The following CDK17 variants were observed in gnomAD, a reference collection of about 807,000 sequenced individuals.
The protein encoded by CDK17 is cyclin-dependent kinase 17.
A neutral mutation model predicts 77.6 loss-of-function variants in CDK17; 24 were observed. The ratio of observed to expected loss-of-function variants is 0.31; its 90% CI spans 0.22 to 0.44. The LOEUF is 0.44. Among genes scored for constraint, CDK17 ranks in the 20% least tolerant of loss-of-function variants. CDK17 has a pLI of 1.00. For missense variants in CDK17, 429 were observed against 622.5 expected, an observed-to-expected ratio of 0.69 and a Z score of 3.31; for synonymous variants, 203 against 210.4, an observed-to-expected ratio of 0.96 and a Z score of 0.30.
Position 96,375,510 on chromosome 12 carries a change from CTT to C in CDK17, c.-30+24474_-30+24475del, listed in dbSNP as rs34451499. Among the ~76,000 whole-genome samples, 90 of 101,572 alleles carry C rather than the reference CTT, an allele frequency of 8.9e-4. 1 individual carries two copies. Among genetic ancestry groups the C allele is most frequent in the African/African-American group, 2.5e-3 (66 of 26,274 alleles). The allele number at this position is 101,572 out of a possible 152,430, so 66.6% of individuals were successfully genotyped here. A position where few individuals can be genotyped will look rare whatever the true frequency, so the allele number is the denominator to read the frequency against. ...CCAAATTTCCATCTCTGATCCTAAC[CTT>C]TTTTTTTTTTTTTTTTTTTGAGACA... On this transcript the variant is annotated intron_variant, in intron 1 of 16. Transcript: ENST00000261211.
chr12:96,398,485 G>A (rs1954207503), intron 1 of CDK17, among the ~76,000 whole-genome samples: 1 of 152,146 alleles, frequency 6.6e-6, no homozygotes, highest in African/African-American at 2.4e-5. Context: ...TTCAAGGCAA[G>A]CTTTGTCTAC....
intron 3 of CDK17, among the ~76,000 whole-genome samples, chr12:96,318,741 T>C (rs2137117803): frequency 6.8e-6 from 1 of 147,550 alleles, no homozygotes; most frequent in South Asian, 2.3e-4. Flanking sequence ...AAGATGTTCT[T>C]TGAGACCAAC....
At chr12:96,316,718 G>T (rs1371322348) in intron 3 of CDK17, among the ~76,000 whole-genome samples, 1 of 125,402 alleles carries the variant, frequency 8.0e-6, no homozygotes, top group African/African-American at 3.0e-5. Context: ...ACACGGCAGG[G>T]TATTCCAACA....
At chr12:96,295,172 A>G (rs1430535501) in intron 9 of CDK17, 50 bp from the exon 10 acceptor site, 2 of 1,431,858 alleles carry the variant, frequency 1.4e-6, no homozygotes, top group Admixed American at 2.0e-5. Context: ...GACATGCTTT[A>G]GTATAAGCAT....
At chr12:96,286,614 G>T in intron 12 of CDK17, 50 bp downstream of exon 12, 1 of 1,243,144 alleles carries the variant, frequency 8.0e-7, no homozygotes. Context: ...GTCTTATCCA[G>T]CTAGTCAATT....
chr12:96,312,179 A>T (rs569031027), intron 4 of CDK17, among the ~76,000 whole-genome samples: 1 of 152,242 alleles, frequency 6.6e-6, no homozygotes, highest in African/African-American at 2.4e-5. Context: ...CTTGGGGCTA[A>T]GGCAGGAGGA....
At chr12:96,371,328 A>G (rs1282240089) in intron 1 of CDK17, among the ~76,000 whole-genome samples, 2 of 152,176 alleles carry the variant, frequency 1.3e-5, no homozygotes, top group Non-Finnish European at 2.9e-5. Context: ...ACATATCATG[A>G]CCCACTGACG....
intron 3 of CDK17, among the ~76,000 whole-genome samples, chr12:96,315,529 C>T (rs1204870467): frequency 2.0e-5 from 3 of 152,180 alleles, no homozygotes; most frequent in African/African-American, 4.8e-5. Flanking sequence ...GTATATAACA[C>T]ATCTAAGGTC....
At chr12:96,357,806 A>C (rs1168477427) in intron 1 of CDK17, among the ~76,000 whole-genome samples, 1 of 152,176 alleles carries the variant, frequency 6.6e-6, no homozygotes, top group Non-Finnish European at 1.5e-5. Flanking sequence ...AGGTATCCTG[A>C]GATTTTAATC....
In CDK17 at chr12:96,383,276, G is replaced by A. The variant is rs151150939; in HGVS notation, c.-30+16710C>T. 4.5e-3 allele frequency among the ~76,000 whole-genome samples: 677 copies of A among 151,750 alleles called. 13 individuals carry two copies. Among genetic ancestry groups the A allele is most frequent in the African/African-American group, 0.016 (643 of 41,360 alleles). On this transcript the variant is annotated intron_variant, in intron 1 of 16. Transcript: ENST00000261211. ...GAAATCAGTGATGACACAAACAAAT[G>A]TAAAAACATTCCATGGTCATTAATT...
chr12:96,397,887 A>G (rs1954196979), intron 1 of CDK17, among the ~76,000 whole-genome samples: 1 of 152,224 alleles, frequency 6.6e-6, no homozygotes, highest in Non-Finnish European at 1.5e-5. Context: ...TAAGGAGTCC[A>G]TAATTCAGAC....
At chr12:96,367,303 C>T (rs1953602453) in intron 1 of CDK17, among the ~76,000 whole-genome samples, 1 of 125,720 alleles carries the variant, frequency 8.0e-6, no homozygotes, top group Non-Finnish European at 1.6e-5. Context: ...CGAGATTGTA[C>T]CACTGCACTT....
chr12:96,358,882 C>A (rs1592751838), intron 1 of CDK17, among the ~76,000 whole-genome samples: 1 of 118,788 alleles, frequency 8.4e-6, no homozygotes, highest in Admixed American at 1.2e-4. Context: ...GGATATATGG[C>A]TAGAGTCAAA....
intron 9 of CDK17, among the ~76,000 whole-genome samples, chr12:96,296,517 C>A (rs1751360817): frequency 6.6e-6 from 1 of 152,186 alleles, no homozygotes. Context: ...AAAATTACTA[C>A]CTACAGAATT....
intron 11 of CDK17, 64 bp from the exon 12 acceptor site, chr12:96,286,825 T>C (rs1385726382): frequency 1.3e-5 from 18 of 1,394,080 alleles, no homozygotes; most frequent in African/African-American, 1.4e-5. Flanking sequence ...ACAAGAATCT[T>C]TTCCTTAAGG....
chr12:96,354,956 A>G (rs1289073185), intron 1 of CDK17, among the ~76,000 whole-genome samples: 1 of 152,006 alleles, frequency 6.6e-6, no homozygotes, highest in East Asian at 1.9e-4. Context: ...TCCCTGCCCC[A>G]CTGCCCATAG....
In CDK17 at chr12:96,376,132, C is replaced by T. The variant is rs567279034; in HGVS notation, c.-30+23854G>A. The stretch of plus-strand genomic sequence containing the variant: ...AACATGACTTTGCTATTCCAGGAAA[C>T]TCCTGCTCAGGCAGATAAGAGCTAC... On this transcript the variant is annotated intron_variant, in intron 1 of 16. Coordinates refer to ENST00000261211, the MANE Select transcript of CDK17 (RefSeq NM_002595.5). Among the ~76,000 whole-genome samples the T allele has an allele frequency of 7.9e-5, 12 of 152,322 alleles. No individual in the cohort carries two copies. In the South Asian group the frequency reaches 2.3e-3, roughly 29 times the overall value.
chr12:96,390,259 C>T (rs192030278), intron 1 of CDK17, among the ~76,000 whole-genome samples: 1 of 149,782 alleles, frequency 6.7e-6, no homozygotes, highest in Non-Finnish European at 1.5e-5. Context: ...TCGAGTGATT[C>T]TCCTCCCTTC....
chr12:96,390,942 C>A (rs1284920520), intron 1 of CDK17, among the ~76,000 whole-genome samples: 3 of 151,654 alleles, frequency 2.0e-5, no homozygotes, highest in Non-Finnish European at 4.4e-5. Context: ...CAAAAATTAG[C>A]CAGGCATGGT....
Sources: gnomAD v4.1 joint callset for allele counts (sites outside exome capture counted in the v4.1 genomes callset) on GRCh38, gnomAD v4.1.1 for gene constraint, MANE v1.5 for transcripts, NCBI Gene and HGNC (gene_info 2026-07-23, HGNC 2026-07-21) for gene names.